ANKS1B: variants seen among roughly 807,000 people sequenced by gnomAD.
The protein encoded by ANKS1B is ankyrin repeat and sterile alpha motif domain-containing protein 1B.
ANKS1B carries 36 observed loss-of-function variants against 148.3 expected under a neutral mutation model. The ratio of observed to expected loss-of-function variants is 0.24; its 90% CI spans 0.19 to 0.32. ANKS1B has a LOEUF of 0.32. Ranked by LOEUF, ANKS1B falls within the 10% of genes least tolerant of loss-of-function variation. The pLI, the probability that ANKS1B is intolerant of heterozygous loss-of-function variation, is 1.00. For missense variants in ANKS1B, 1,157 were observed against 1,542.6 expected, an observed-to-expected ratio of 0.75 and a Z score of 4.19; for synonymous variants, 542 against 560.8, an observed-to-expected ratio of 0.97 and a Z score of 0.47.
chr12:99,822,074 C>T (rs1449497396), intron 2 of ANKS1B, among the ~76,000 whole-genome samples: 1 of 151,916 alleles, frequency 6.6e-6, no homozygotes, highest in East Asian at 1.9e-4. Flanking sequence ...GTTTATGTAA[C>T]TCAAATGATT....
intron 8 of ANKS1B, among the ~76,000 whole-genome samples, chr12:99,680,205 C>T (rs886717128): frequency 4.6e-5 from 7 of 152,118 alleles, no homozygotes; most frequent in African/African-American, 1.2e-4. Context: ...CTTTGGGAGA[C>T]GAAGGTGGGT....
intron 17 of ANKS1B, among the ~76,000 whole-genome samples, chr12:98,945,606 C>G (rs2099844287): frequency 6.9e-6 from 1 of 145,972 alleles, no homozygotes; most frequent in South Asian, 2.3e-4. Flanking sequence ...TCCCCATTTA[C>G]AAACTCCTGA....
At chr12:99,034,796 A>G (rs1316604148) in intron 17 of ANKS1B, among the ~76,000 whole-genome samples, 1 of 152,176 alleles carries the variant, frequency 6.6e-6, no homozygotes, top group Non-Finnish European at 1.5e-5. Flanking sequence ...CTTTTTGAAC[A>G]TCTTCTATGT....
intron 14 of ANKS1B, 72 bp from the exon 15 acceptor site, chr12:99,154,467 G>C (rs1281880264): frequency 1.9e-6 from 3 of 1,612,792 alleles, no homozygotes; most frequent in Non-Finnish European, 1.7e-6. Flanking sequence ...GTAGTCCTGG[G>C]CTGAGAGGTG....
chr12:99,086,848 A>T lies in ANKS1B; in HGVS notation c.2527-1825T>A, dbSNP rs528239101. On this transcript the variant is annotated intron_variant, in intron 15 of 26. Coordinates refer to ENST00000683438, the MANE Select transcript of ANKS1B (RefSeq NM_001352186.2). ...TTATGTGTAACACAAAAACGCAAGAATAGAAATGACAGAATATCCATTTAT... is the reference window on the plus strand; with the variant it reads ...TTATGTGTAACACAAAAACGCAAGATTAGAAATGACAGAATATCCATTTAT... Among the ~76,000 whole-genome samples the T allele has an allele frequency of 7.9e-5, 12 of 152,344 alleles. No individual in the cohort carries two copies. In the South Asian group the frequency reaches 1.9e-3, roughly 24 times the overall value.
At chr12:99,012,840 G>A (rs192809709) in intron 17 of ANKS1B, among the ~76,000 whole-genome samples, 2 of 152,248 alleles carry the variant, frequency 1.3e-5, no homozygotes, top group Admixed American at 1.3e-4. Flanking sequence ...AGAATGTTGA[G>A]ACTCTGTTAA....
At chr12:99,636,063 C>CAA (rs35614711) in intron 9 of ANKS1B, among the ~76,000 whole-genome samples, 46 of 150,824 alleles carry the variant, frequency 3.0e-4, no homozygotes, top group Admixed American at 5.3e-4. Flanking sequence ...TTTTACACCA[C>CAA]AAAAAAAAGA....
chr12:99,292,682 T>G (rs2080191159), intron 12 of ANKS1B, among the ~76,000 whole-genome samples: 1 of 152,026 alleles, frequency 6.6e-6, no homozygotes, highest in Admixed American at 6.6e-5. Flanking sequence ...CATCAAAAAG[T>G]GGGCAAAATA....
At chr12:99,381,178 G>T (rs1166563995) in intron 12 of ANKS1B, among the ~76,000 whole-genome samples, 4 of 152,026 alleles carry the variant, frequency 2.6e-5, no homozygotes, top group Non-Finnish European at 5.9e-5. Flanking sequence ...ACTTGTGAGA[G>T]AATAAATTTC....
chr12:99,635,843 G>A (rs532593984), intron 9 of ANKS1B, among the ~76,000 whole-genome samples: 2 of 152,154 alleles, frequency 1.3e-5, no homozygotes, highest in East Asian at 1.9e-4. Flanking sequence ...TGGATTATTC[G>A]ATAAATGATG....
intron 1 of ANKS1B, among the ~76,000 whole-genome samples, chr12:99,893,543 T>A (rs918942789): frequency 1.3e-5 from 2 of 152,104 alleles, no homozygotes; most frequent in Non-Finnish European, 2.9e-5. Context: ...CTTGGGAGAA[T>A]AGTTTATACT....
At position 99,984,542 on chromosome 12, in the gene ANKS1B, A is replaced by G. The variant is rs371243092; in HGVS notation, c.-305T>C. 5 of 294,944 alleles carry G rather than the reference A, an allele frequency of 1.7e-5. No homozygotes were observed. The highest frequency in any genetic ancestry group is 3.2e-5 in the Non-Finnish European group (5 of 155,614). The allele number at this position is 294,944 out of a possible 1,614,324, so 18.3% of individuals were successfully genotyped here. On this transcript the variant is annotated 5_prime_UTR_variant, in exon 1 of 27. Transcript: ENST00000683438. ...GCCTCGTTCCCGCGGGTGCGGCGTG[A>G]GGGGGTGGGGACTCGGGGGTGCTTT...
intron 10 of ANKS1B, among the ~76,000 whole-genome samples, chr12:99,472,926 T>A (rs953863534): frequency 6.6e-6 from 1 of 152,100 alleles, no homozygotes; most frequent in Non-Finnish European, 1.5e-5. Flanking sequence ...ATTAATTTTT[T>A]AAAATATTTT....
chr12:99,243,850 C>T (rs1311025996), intron 14 of ANKS1B, among the ~76,000 whole-genome samples: 1 of 152,060 alleles, frequency 6.6e-6, no homozygotes, highest in Non-Finnish European at 1.5e-5. Flanking sequence ...TGGGGAACAT[C>T]ACATGCAAGG....
chr12:99,063,809 T>C (rs2043207993), intron 16 of ANKS1B, among the ~76,000 whole-genome samples: 1 of 152,230 alleles, frequency 6.6e-6, no homozygotes, highest in Admixed American at 6.5e-5. Flanking sequence ...AGGATTAATA[T>C]ACTGTGACTG....
intron 1 of ANKS1B, among the ~76,000 whole-genome samples, chr12:99,865,307 T>C (rs1366976358): frequency 1.3e-5 from 2 of 152,220 alleles, no homozygotes; most frequent in Admixed American, 1.3e-4. Context: ...ATGTTATTAA[T>C]TGACTCCAGT....
chr12:99,592,523 T>A (rs923449735), intron 9 of ANKS1B, among the ~76,000 whole-genome samples: 1 of 151,458 alleles, frequency 6.6e-6, no homozygotes, highest in African/African-American at 2.4e-5. Context: ...ATTTATATAC[T>A]TGGCCAGAAA....
chr12:99,057,898 A>G (rs2153546600), intron 16 of ANKS1B, among the ~76,000 whole-genome samples: 1 of 152,338 alleles, frequency 6.6e-6, no homozygotes, highest in Non-Finnish European at 1.5e-5. Context: ...CAAAGCTTGG[A>G]ATCTACCCTA....
At chr12:99,185,632 T>C (rs953827692) in intron 14 of ANKS1B, among the ~76,000 whole-genome samples, 3 of 152,232 alleles carry the variant, frequency 2.0e-5, no homozygotes, top group African/African-American at 7.2e-5. Context: ...CACCTGGAAG[T>C]GCAAGGGGTC....
Sources: gnomAD v4.1 joint callset for allele counts (sites outside exome capture counted in the v4.1 genomes callset) on GRCh38, gnomAD v4.1.1 for gene constraint, MANE v1.5 for transcripts, NCBI Gene and HGNC (gene_info 2026-07-23, HGNC 2026-07-21) for gene names.